FAM200B: variants seen among roughly 807,000 people sequenced by gnomAD.
FAM200B encodes protein FAM200B.
In FAM200B, 32 loss-of-function variants were observed where a neutral mutation model predicts 33.1. That is an observed-to-expected ratio of 0.97 (90% CI 0.73 to 1.30). The LOEUF is 1.30. Ranked by LOEUF, FAM200B falls within the 50% of genes most tolerant of loss-of-function variation. The pLI is 0.00. For synonymous variants in FAM200B, 240 were observed against 264.8 expected, an observed-to-expected ratio of 0.91 and a Z score of 0.91; for missense variants, 741 against 754.0, an observed-to-expected ratio of 0.98 and a Z score of 0.20.
chr4:15,676,100 G>A, the FAM200B span, among the ~76,000 whole-genome samples: 1 of 152,178 alleles, frequency 6.6e-6, no homozygotes, highest in African/African-American at 2.4e-5. Flanking sequence ...CAGAAAGGAG[G>A]TTAGAGGAGA....
At chr4:15,666,978 G>A in the FAM200B span, among the ~76,000 whole-genome samples, 2 of 151,754 alleles carry the variant, frequency 1.3e-5, no homozygotes, top group Non-Finnish European at 2.9e-5. Context: ...TCTCATAAAT[G>A]TATACAATTA....
the FAM200B span, among the ~76,000 whole-genome samples, chr4:15,640,436 TG>T: frequency 7.5e-5 from 10 of 132,672 alleles, no homozygotes; most frequent in African/African-American, 2.7e-4. Context: ...AAACATAGCA[TG>T]AAAACAAAAA....
At position 15,688,317 on chromosome 4, in the gene FAM200B, A is replaced by AG. The variant is rs1719080978; in HGVS notation, c.1344dup (p.Lys449GlufsTer4). On this transcript the variant is annotated frameshift_variant, in exon 2 of 2. Coordinates refer to ENST00000422728, the MANE Select transcript of FAM200B (RefSeq NM_001145191.2). LOFTEE classifies it high-confidence loss of function. ...CTTAATGAACTGAGTTTAAAACTACAGGGGAAAAACAGTGATGTATTCCAA... is the reference window on the plus strand; with the variant it reads ...CTTAATGAACTGAGTTTAAAACTACAGGGGGAAAAACAGTGATGTATTCCAA... The AG allele has an allele frequency of 6.5e-7, 1 of 1,550,266 alleles. No individual in the cohort carries two copies. Among genetic ancestry groups the AG allele is most frequent in the Non-Finnish European group, 8.7e-7 (1 of 1,145,786 alleles).
chr4:15,644,664 A>C, the FAM200B span: 8 of 1,612,820 alleles, frequency 5.0e-6, no homozygotes, highest in Non-Finnish European at 6.8e-6. Context: ...AAGACTGCAG[A>C]AGAGCACGGA....
the FAM200B span, among the ~76,000 whole-genome samples, chr4:15,667,077 T>G: frequency 6.6e-6 from 1 of 152,212 alleles, no homozygotes; most frequent in Non-Finnish European, 1.5e-5. Flanking sequence ...ACCATATTTG[T>G]ACCCATTACA....
upstream of FAM200B, among the ~76,000 whole-genome samples, chr4:15,678,180 A>G (rs1718065567): frequency 6.6e-6 from 1 of 152,196 alleles, no homozygotes. Flanking sequence ...CTTATGGGAC[A>G]AGTCATTATT....
rs1438866138 is a variant in FAM200B at position 15,689,364 on chromosome 4, C to T, written c.*413C>T. On this transcript the variant is annotated 3_prime_UTR_variant, in exon 2 of 2. Coordinates refer to ENST00000422728, the MANE Select transcript of FAM200B (RefSeq NM_001145191.2). ...CCATTATTGGGCCTCTGGCTTTTGT[C>T]AGTGGACTAGAGAACAGTTGAAGGG... 5.9e-6 allele frequency: 1 copy of T among 168,978 alleles called. No homozygotes were observed. 10.5% of individuals were successfully genotyped at this position (168,978 alleles called of 1,614,324 possible). A position where few individuals can be genotyped will look rare whatever the true frequency, so the allele number is the denominator to read the frequency against.
chr4:15,654,841 G>T, the FAM200B span, among the ~76,000 whole-genome samples: 1 of 152,182 alleles, frequency 6.6e-6, no homozygotes, highest in Non-Finnish European at 1.5e-5. Context: ...GGCACCCAGG[G>T]CTTCGAGGAG....
chr4:15,638,516 G>A, the FAM200B span: 8 of 1,590,244 alleles, frequency 5.0e-6, no homozygotes, highest in Admixed American at 3.8e-5. Context: ...ACCTTTATCT[G>A]ACTTTTCATC....
upstream of FAM200B, among the ~76,000 whole-genome samples, chr4:15,680,204 G>A (rs1437056840): frequency 6.6e-6 from 1 of 152,002 alleles, no homozygotes; most frequent in Non-Finnish European, 1.5e-5. Flanking sequence ...TTGTATCTCT[G>A]CATGAAGACC....
chr4:15,651,349 A>T, the FAM200B span, among the ~76,000 whole-genome samples: 1 of 152,238 alleles, frequency 6.6e-6, no homozygotes, highest in Non-Finnish European at 1.5e-5. Flanking sequence ...CTAATTACTA[A>T]TTGAATGAGT....
the FAM200B span, among the ~76,000 whole-genome samples, chr4:15,655,981 G>A: frequency 3.3e-5 from 5 of 152,252 alleles, no homozygotes; most frequent in Non-Finnish European, 4.4e-5. Flanking sequence ...CTGGGTGCGA[G>A]GGGCGGGGCA....
At chr4:15,658,326 T>G in the FAM200B span, among the ~76,000 whole-genome samples, 4 of 152,248 alleles carry the variant, frequency 2.6e-5, no homozygotes, top group Admixed American at 2.6e-4. Context: ...CAACAACTGC[T>G]GCAGCAGGCT....
At position 15,689,019 on chromosome 4, in the gene FAM200B, T is replaced by G. The variant is rs1175716665; in HGVS notation, c.*68T>G. 8.4e-7 allele frequency: 1 copy of G among 1,194,524 alleles called. No homozygotes were observed. The highest frequency in any genetic ancestry group is 1.1e-6 in the Non-Finnish European group (1 of 894,302). The allele number at this position is 1,194,524 out of a possible 1,614,324, so 74.0% of individuals were successfully genotyped here. On this transcript the variant is annotated 3_prime_UTR_variant, in exon 2 of 2. Transcript: ENST00000422728. ...TTTGTAGTATTTTTCTATGTTATAT[T>G]TAAATGGTACTATAATACTGTGATA...
At chr4:15,668,907 AAC>A in the FAM200B span, among the ~76,000 whole-genome samples, 1 of 152,330 alleles carries the variant, frequency 6.6e-6, no homozygotes, top group African/African-American at 2.4e-5. Flanking sequence ...CCAGAGTGAC[AAC>A]ACAGTAGCTC....
Position 15,684,091 on chromosome 4 carries a change from T to C in FAM200B, c.-742-2145T>C, listed in dbSNP as rs572246703. ...TAGATGGATAGCTGAATAAAGTTAT[T>C]ACTTGGAAATGTTGCCATGTAGCCG... On this transcript the variant is annotated intron_variant, in intron 1 of 1. Transcript: ENST00000422728. Among the ~76,000 whole-genome samples, 3 of 152,368 alleles carry C rather than the reference T, an allele frequency of 2.0e-5. No individual in the cohort carries two copies. The South Asian group carries it at 6.2e-4, about 32-fold the overall frequency.
chr4:15,655,487 G>A, the FAM200B span: 9 of 683,000 alleles, frequency 1.3e-5, no homozygotes, highest in Non-Finnish European at 1.6e-5. Flanking sequence ...GACCGGGCGC[G>A]CGCAGAGGCT....
the FAM200B span, among the ~76,000 whole-genome samples, chr4:15,656,823 T>A: frequency 1.3e-5 from 2 of 152,078 alleles, no homozygotes; most frequent in African/African-American, 4.8e-5. Context: ...CTAGTAATAC[T>A]TTTTTAAAGC....
At chr4:15,675,303 C>CA in the FAM200B span, among the ~76,000 whole-genome samples, 2,427 of 152,092 alleles carry the variant, frequency 0.016, 62 homozygotes, top group African/African-American at 0.055. Flanking sequence ...ATATGGGAAG[C>CA]AAAATACTAG....
Sources: allele counts gnomAD v4.1 joint callset (sites outside exome capture counted in the v4.1 genomes callset), GRCh38; gene constraint gnomAD v4.1.1; transcripts MANE v1.5; gene names NCBI Gene and HGNC (gene_info 2026-07-23, HGNC 2026-07-21).